The following ITSN1 variants were observed in gnomAD, a reference collection of about 807,000 sequenced individuals.
ITSN1 encodes intersectin 1.
In ITSN1, 58 loss-of-function variants were observed where a neutral mutation model predicts 239.8. That is an observed-to-expected ratio of 0.24 (90% CI 0.20 to 0.30). The LOEUF (loss-of-function observed/expected upper bound fraction) is 0.30, where lower values mean the gene tolerates loss of function less well. Ranked by LOEUF, ITSN1 falls within the 10% of genes least tolerant of loss-of-function variation. The pLI is 1.00. For synonymous variants in ITSN1, 780 were observed against 770.8 expected (o/e 1.01, Z -0.20); for missense variants, 1,558 against 2,103.3 (o/e 0.74, Z 5.07).
intron 1 of ITSN1, 76 bp from the exon 2 acceptor site, chr21:33,718,721 G>A: frequency 1.1e-6 from 1 of 916,800 alleles, no homozygotes; most frequent in Non-Finnish European, 1.8e-6. Context: ...GACCATTAAA[G>A]ATAGCATGTT....
At chr21:33,690,919 G>A (rs1370022714) in intron 1 of ITSN1, among the ~76,000 whole-genome samples, 1 of 146,464 alleles carries the variant, frequency 6.8e-6, no homozygotes, top group Non-Finnish European at 1.5e-5. Context: ...TGGGCCATGG[G>A]CAAGTCCTGT....
chr21:33,856,771 C>T lies in ITSN1; in HGVS notation c.3697C>T (p.Pro1233Ser). The T allele has an allele frequency of 3.1e-6, 5 of 1,614,046 alleles. No homozygotes were observed. The highest frequency in any genetic ancestry group is 4.2e-6 in the Non-Finnish European group (5 of 1,180,004). ...SDLHLLDMLT[P>S]TERKRQGYIH... ...CTTACATCTCTTGGATATGTTGACC[C>T]CAACTGAAAGAAAGCGACAAGGATA... is the stretch of plus-strand genomic sequence containing the variant. The change falls in exon 30 of 40, where the codon CCA (proline) becomes TCA (serine). Residue 1233 changes from proline to serine, a missense_variant. Pro to Ser is a moderately conservative substitution (Grantham distance 74). Around this residue, in one of 2 missense-constraint regions of ITSN1, gnomAD observed 576 missense variants for 893.3 expected, o/e 0.64. Coordinates refer to ENST00000381318, the MANE Select transcript of ITSN1 (RefSeq NM_003024.3).
In ITSN1 at chr21:33,848,979, G is replaced by A. The variant is rs8128485; in HGVS notation, c.3662-7757G>A. The stretch of plus-strand genomic sequence containing the variant: ...TATTTGGCCGAGTGTGGTGGCTCAC[G>A]CCTGTAATCCCAGCACTTTGGGAGG... On this transcript the variant is annotated intron_variant, in intron 29 of 39. Transcript: ENST00000381318. Among the ~76,000 whole-genome samples, 367 of 152,344 alleles carry A rather than the reference G, an allele frequency of 2.4e-3. 2 individuals are homozygous for A. Among genetic ancestry groups the A allele is most frequent in the African/African-American group, 8.5e-3 (352 of 41,584 alleles).
chr21:33,790,607 C>T (rs1537097), intron 16 of ITSN1, among the ~76,000 whole-genome samples: 22,572 of 152,030 alleles, frequency 0.15, 2,211 homozygotes, highest in East Asian at 0.27. Context: ...AATCACTTAA[C>T]TTTAGGAAGA....
At chr21:33,780,628 A>C (rs535940702) in intron 14 of ITSN1, among the ~76,000 whole-genome samples, 1 of 152,336 alleles carries the variant, frequency 6.6e-6, no homozygotes, top group South Asian at 2.1e-4. Flanking sequence ...TTAGCTTCTG[A>C]TGAAAAATTT....
chr21:33,746,983 G>A (rs928437046), intron 5 of ITSN1, among the ~76,000 whole-genome samples: 6 of 152,272 alleles, frequency 3.9e-5, no homozygotes, highest in African/African-American at 7.2e-5. Flanking sequence ...ACGAAACCCC[G>A]TCTCTACTAA....
In ITSN1 at chr21:33,767,752, A is replaced by G. The variant is rs1246616774; in HGVS notation, c.966A>G (p.Ser322=). ...RSGSGISVIS[S]TSVDQRLPEE... ...GCAGTGGTATATCTGTCATAAGCTC[A>G]ACATCTGTAGATCAGAGGCTACCAG... Residue 322 remains serine (S), a synonymous_variant, in exon 11 of 40, where the codon TCA becomes TCG. Transcript: ENST00000381318. 6.2e-7 allele frequency: 1 copy of G among 1,613,080 alleles called. No homozygotes were observed. Among genetic ancestry groups the G allele is most frequent in the Non-Finnish European group, 8.5e-7 (1 of 1,179,442 alleles).
At chr21:33,868,272 C>T (rs933088955) in intron 33 of ITSN1, among the ~76,000 whole-genome samples, 6 of 152,260 alleles carry the variant, frequency 3.9e-5, no homozygotes, top group African/African-American at 9.6e-5. Context: ...GATCCCACAC[C>T]GGGGCTGCAG....
In ITSN1 at chr21:33,865,352, G is replaced by A. The variant is rs1981375838; in HGVS notation, c.4074+18G>A. Reference sequence around the variant, plus strand: ...TCGTCAAAGTAAGGAGCCAGGCTGTGCAGAGACTGGGCCCCAGAGTGGCGA... The same window carrying A: ...TCGTCAAAGTAAGGAGCCAGGCTGTACAGAGACTGGGCCCCAGAGTGGCGA... On this transcript the variant is annotated intron_variant, in intron 32 of 39. Transcript: ENST00000381318. This position sits in a 1 kb window ranked among gnomAD's most constrained non-coding sequence, Gnocchi z 4.4. 2 of 1,515,826 alleles carry A rather than the reference G, an allele frequency of 1.3e-6. No individual in the cohort carries two copies. The highest frequency in any genetic ancestry group is 8.9e-7 in the Non-Finnish European group (1 of 1,126,954). The allele number at this position is 1,515,826 out of a possible 1,614,324, so 93.9% of individuals were successfully genotyped here.
chr21:33,814,279 C>A, intron 22 of ITSN1: 1 of 546,778 alleles, frequency 1.8e-6, no homozygotes, highest in South Asian at 2.6e-5. Flanking sequence ...GTCAACTTCT[C>A]CTGCCTGGGT....
intron 1 of ITSN1, among the ~76,000 whole-genome samples, chr21:33,683,320 C>T (rs1339758006): frequency 2.6e-5 from 4 of 151,954 alleles, no homozygotes; most frequent in South Asian, 2.1e-4. Flanking sequence ...CTTTTTGTGA[C>T]GGATGTGCTA....
chr21:33,806,159 C>T (rs1040759051), intron 20 of ITSN1, among the ~76,000 whole-genome samples: 17 of 149,158 alleles, frequency 1.1e-4, no homozygotes, highest in Admixed American at 2.0e-4. Flanking sequence ...TGCAGTGAGC[C>T]GAGATCGCGC....
intron 1 of ITSN1, among the ~76,000 whole-genome samples, chr21:33,655,145 A>G (rs911095059): frequency 4.6e-5 from 7 of 152,162 alleles, no homozygotes; most frequent in East Asian, 3.9e-4. Context: ...GGCAATCACA[A>G]TTTGATTGGA....
At chr21:33,747,477 A>T (rs774683665) in intron 5 of ITSN1, among the ~76,000 whole-genome samples, 1 of 152,130 alleles carries the variant, frequency 6.6e-6, no homozygotes, top group Non-Finnish European at 1.5e-5. Context: ...AGTCTACACA[A>T]TCAAAAGCTC....
At chr21:33,837,660 C>G (rs1209261732) in intron 29 of ITSN1, 12 of 985,742 alleles carry the variant, frequency 1.2e-5, no homozygotes, top group Non-Finnish European at 1.3e-5. Context: ...GTAATACATC[C>G]TGTACATAAG....
At chr21:33,658,591 A>C (rs2089287280) in intron 1 of ITSN1, among the ~76,000 whole-genome samples, 1 of 152,204 alleles carries the variant, frequency 6.6e-6, no homozygotes, top group Non-Finnish European at 1.5e-5. Context: ...TTGTATGTGC[A>C]GTTCATCATT....
chr21:33,782,597 G>A (rs2070287559), intron 16 of ITSN1, among the ~76,000 whole-genome samples: 1 of 152,174 alleles, frequency 6.6e-6, no homozygotes, highest in Non-Finnish European at 1.5e-5. Flanking sequence ...GGCAGAAGTG[G>A]TGTATGGTTT....
chr21:33,656,792 C>T (rs1021626427), intron 1 of ITSN1, among the ~76,000 whole-genome samples: 2 of 152,184 alleles, frequency 1.3e-5, no homozygotes, highest in African/African-American at 4.8e-5. Context: ...CTCACTGCAA[C>T]CTCCGCCTAC....
rs1982807942 is a variant in ITSN1, at chr21:33,871,846, G to C, written c.4174-3508G>C. Among the ~76,000 whole-genome samples, 3 of 152,326 alleles carry C rather than the reference G, an allele frequency of 2.0e-5. No homozygotes were observed. The South Asian group carries it at 6.2e-4, about 32-fold the overall frequency. On this transcript the variant is annotated intron_variant, in intron 33 of 39. Coordinates refer to ENST00000381318, the MANE Select transcript of ITSN1 (RefSeq NM_003024.3). ...ACATAGCCTGGAGCCAGGCTGGCTG[G>C]GGTTTGAATCTTGCTACTTAACCAC...
Sources: allele counts gnomAD v4.1 joint callset (sites outside exome capture counted in the v4.1 genomes callset), GRCh38; gene constraint gnomAD v4.1.1; regional missense constraint gnomAD v4.1.1; non-coding constraint Gnocchi (gnomAD v3.1); transcripts MANE v1.5; gene names NCBI Gene and HGNC (gene_info 2026-07-23, HGNC 2026-07-21).